CNGB3: variants seen among roughly 807,000 people sequenced by gnomAD.
CNGB3 encodes cyclic nucleotide-gated channel beta-3.
In CNGB3, 86 loss-of-function variants were observed where a neutral mutation model predicts 92.8. The observed-to-expected ratio is 0.93, with a 90% CI of 0.78 to 1.11. The LOEUF (loss-of-function observed/expected upper bound fraction) is 1.11. CNGB3 is among the 50% of genes least tolerant of loss of function. The pLI, the probability that CNGB3 is intolerant of heterozygous loss-of-function variation, is 0.00. For synonymous variants in CNGB3, 333 were observed against 332.7 expected, an observed-to-expected ratio of 1.00 and a Z score of -0.01; for missense variants, 1,026 against 956.8, an observed-to-expected ratio of 1.07 and a Z score of -0.95.
intron 2 of CNGB3, among the ~76,000 whole-genome samples, chr8:86,730,935 T>C (rs1304555849): frequency 6.6e-6 from 1 of 152,138 alleles, no homozygotes; most frequent in African/African-American, 2.4e-5. Flanking sequence ...ATTAAAAACA[T>C]GTGATCTGTA....
chr8:86,680,570 A>C (rs1366164323), intron 3 of CNGB3, among the ~76,000 whole-genome samples: 2 of 152,176 alleles, frequency 1.3e-5, no homozygotes, highest in African/African-American at 4.8e-5. Context: ...TCAGTTGATA[A>C]GTGCAGAAGC....
rs1374302804 is a variant in CNGB3, at chr8:86,574,353, C to T, written c.*1451G>A. 6.6e-6 allele frequency: 1 copy of T among 152,158 alleles called. No individual in the cohort carries two copies. The highest frequency in any genetic ancestry group is 2.4e-5 in the African/African-American group (1 of 41,424). The allele number at this position is 152,158 out of a possible 1,614,324, so 9.4% of individuals were successfully genotyped here. On this transcript the variant is annotated 3_prime_UTR_variant, in exon 18 of 18. Transcript: ENST00000320005. ...AATCACCCTTTTTATACGCAATTCA[C>T]TCTTTCTGCATACAAACTCCCATTT...
intron 2 of CNGB3, among the ~76,000 whole-genome samples, chr8:86,734,080 C>T (rs1825205358): frequency 6.6e-6 from 1 of 152,108 alleles, no homozygotes; most frequent in Admixed American, 6.6e-5. Context: ...CTATGTTGCC[C>T]AGGCTGGTCT....
chr8:86,676,211 A>G (rs1175970827), intron 3 of CNGB3, among the ~76,000 whole-genome samples: 2 of 152,184 alleles, frequency 1.3e-5, no homozygotes, highest in Non-Finnish European at 2.9e-5. Flanking sequence ...CTGCTTTAGT[A>G]TAACATGGAG....
intron 3 of CNGB3, among the ~76,000 whole-genome samples, chr8:86,694,129 AC>A (rs1824385095): frequency 3.2e-5 from 3 of 94,810 alleles, no homozygotes; most frequent in African/African-American, 8.7e-5. Context: ...CGGGGGGCTG[AC>A]CCCCCCACCT....
intron 15 of CNGB3, among the ~76,000 whole-genome samples, chr8:86,586,908 C>A: frequency 7.5e-6 from 1 of 134,116 alleles, no homozygotes; most frequent in African/African-American, 3.3e-5. Context: ...TGAGGAATTG[C>A]CACACTGACT....
chr8:86,627,374 TAG>T (rs1320606889), intron 12 of CNGB3, among the ~76,000 whole-genome samples: 2 of 152,254 alleles, frequency 1.3e-5, no homozygotes, highest in South Asian at 2.1e-4. Context: ...GCAGATGTTC[TAG>T]AGAGAGGCAT....
At chr8:86,625,442 CA>C (rs1822826679) in intron 13 of CNGB3, among the ~76,000 whole-genome samples, 4 of 152,044 alleles carry the variant, frequency 2.6e-5, no homozygotes, top group African/African-American at 9.6e-5. Context: ...ATATAATGCA[CA>C]AAAAGAGTAG....
intron 15 of CNGB3, among the ~76,000 whole-genome samples, chr8:86,602,679 G>A (rs1822330793): frequency 6.6e-6 from 1 of 152,160 alleles, no homozygotes; most frequent in Non-Finnish European, 1.5e-5. Context: ...ATATGAGCCA[G>A]TATCTCAGTT....
chr8:86,712,067 G>C (rs1444849589), intron 3 of CNGB3, among the ~76,000 whole-genome samples: 1 of 151,830 alleles, frequency 6.6e-6, no homozygotes, highest in African/African-American at 2.4e-5. Flanking sequence ...TTGAAAAAGA[G>C]AAAATGAAAT....
intron 3 of CNGB3, among the ~76,000 whole-genome samples, chr8:86,692,311 C>A (rs1354390869): frequency 2.0e-5 from 3 of 152,162 alleles, no homozygotes; most frequent in African/African-American, 7.2e-5. Context: ...CTGTCTAGGG[C>A]TGTCAGTAAA....
Position 86,666,973 on chromosome 8 carries a change from C to A in CNGB3, c.804G>T (p.Met268Ile), listed in dbSNP as rs1398788235. The change falls in exon 6 of 18, where the codon ATG (methionine) becomes ATT (isoleucine). Residue 268 changes from methionine to isoleucine, a missense_variant. Physicochemically the swap from Met to Ile is conservative, Grantham distance 10 (BLOSUM62 1). Transcript: ENST00000320005. ...ACTGGAGTCTGGGCTGGATAAATAG[C>A]ATATCATAAAGGTAGATGATATCAC... The part of the protein sequence containing the change: ...IICDIIYLYD[M>I]LFIQPRLQFV... 6.2e-7 allele frequency: 1 copy of A among 1,613,428 alleles called. No individual in the cohort carries two copies. Among genetic ancestry groups the A allele is most frequent in the South Asian group, 1.1e-5 (1 of 91,050 alleles).
intron 8 of CNGB3, among the ~76,000 whole-genome samples, chr8:86,647,355 G>T (rs182743684): frequency 1.3e-5 from 2 of 150,746 alleles, no homozygotes; most frequent in Non-Finnish European, 3.0e-5. Context: ...GTAAAAGTAT[G>T]TTTACATTTT....
chr8:86,670,126 T>G (rs1004226456), intron 4 of CNGB3, among the ~76,000 whole-genome samples: 1 of 152,166 alleles, frequency 6.6e-6, no homozygotes, highest in Non-Finnish European at 1.5e-5. Context: ...AGGATTACAG[T>G]CATGAGCCAC....
intron 3 of CNGB3, among the ~76,000 whole-genome samples, chr8:86,693,432 A>ATTATTATTTAT (rs1824358382): frequency 7.2e-6 from 1 of 138,058 alleles, no homozygotes; most frequent in Admixed American, 7.2e-5. Context: ...TATTATTATT[A>ATTATTATTTAT]TTATTTATTT....
intron 10 of CNGB3, among the ~76,000 whole-genome samples, chr8:86,641,633 AT>A (rs140856006): frequency 0.031 from 4,502 of 147,578 alleles, 199 homozygotes; most frequent in African/African-American, 0.1. Context: ...TTCCTTATTC[AT>A]TTTTTTTTCC....
intron 3 of CNGB3, among the ~76,000 whole-genome samples, chr8:86,702,913 G>A (rs1177482902): frequency 1.3e-5 from 2 of 151,546 alleles, no homozygotes; most frequent in Admixed American, 1.3e-4. Flanking sequence ...ATTCATATTT[G>A]CCTTTGTCAT....
chr8:86,739,807 A>C (rs1825311303), intron 1 of CNGB3, 71 bp from the exon 2 acceptor site: 7 of 1,488,544 alleles, frequency 4.7e-6, no homozygotes, highest in Non-Finnish European at 6.5e-6. Flanking sequence ...AAAACATAAC[A>C]CCATTTTCCA....
intron 3 of CNGB3, among the ~76,000 whole-genome samples, chr8:86,722,188 CTG>C (rs1824983760): frequency 1.3e-5 from 1 of 76,832 alleles, no homozygotes; most frequent in Admixed American, 1.4e-4. Flanking sequence ...CCATTCAACT[CTG>C]TCTCCTTTTT....
Sources: allele counts gnomAD v4.1 joint callset (sites outside exome capture counted in the v4.1 genomes callset), GRCh38; gene constraint gnomAD v4.1.1; transcripts MANE v1.5; gene names NCBI Gene and HGNC (gene_info 2026-07-23, HGNC 2026-07-21).